The following TIAM2 variants were observed in gnomAD, a reference collection of about 807,000 sequenced individuals.
The protein encoded by TIAM2 is TIAM Rac1 associated GEF 2.
A neutral mutation model predicts 152.9 loss-of-function variants in TIAM2; 80 were observed. The ratio of observed to expected loss-of-function variants is 0.52; its 90% CI spans 0.44 to 0.63. The LOEUF is 0.63. Ranked by LOEUF, TIAM2 falls within the 30% of genes least tolerant of loss-of-function variation. The pLI is 0.00. For synonymous variants in TIAM2, 804 were observed against 838.0 expected, an observed-to-expected ratio of 0.96 and a Z score of 0.70; for missense variants, 1,965 against 2,120.1, an observed-to-expected ratio of 0.93 and a Z score of 1.44.
Position 155,251,929 on chromosome 6 carries a change from CTT to C in TIAM2, c.4061-13_4061-12del. On this transcript the variant is annotated splice_polypyrimidine_tract_variant and intron_variant, in intron 22 of 26. Transcript: ENST00000682666. Reference sequence around the variant, plus strand: ...TGCATAAAATAAAGACTTTCTTTCTCTTTTCCTTTCTTTAGTTTTTAAGAGAG... The same window carrying C: ...TGCATAAAATAAAGACTTTCTTTCTCTTCCTTTCTTTAGTTTTTAAGAGAG... 6.3e-7 allele frequency: 1 copy of C among 1,589,428 alleles called. No individual in the cohort carries two copies. The highest frequency in any genetic ancestry group is 8.6e-7 in the Non-Finnish European group (1 of 1,164,110).
chr6:155,165,890 G>A (rs934847742), intron 9 of TIAM2, among the ~76,000 whole-genome samples: 19 of 151,702 alleles, frequency 1.3e-4, no homozygotes, highest in African/African-American at 3.6e-4. Context: ...TATCTATCCC[G>A]GCACCCCTGA....
intron 15 of TIAM2, among the ~76,000 whole-genome samples, chr6:155,232,349 C>T (rs1202096526): frequency 2.0e-5 from 3 of 151,922 alleles, no homozygotes; most frequent in Non-Finnish European, 2.9e-5. Flanking sequence ...AGTGTCATTG[C>T]GCTCTGAGAT....
At chr6:155,226,353 C>T (rs555818071) in intron 15 of TIAM2, among the ~76,000 whole-genome samples, 19 of 152,288 alleles carry the variant, frequency 1.2e-4, no homozygotes, top group African/African-American at 2.2e-4. Flanking sequence ...TTGTGGGCTC[C>T]GCTTTTAAGT....
At chr6:155,051,312 G>A (rs898491085) in intron 1 of TIAM2, among the ~76,000 whole-genome samples, 53 of 152,302 alleles carry the variant, frequency 3.5e-4, no homozygotes, top group African/African-American at 1.3e-3. Flanking sequence ...TGCCCTGGGA[G>A]CAGAGCCCGC....
chr6:155,152,379 C>G (rs1290092155), intron 7 of TIAM2, among the ~76,000 whole-genome samples: 1 of 152,192 alleles, frequency 6.6e-6, no homozygotes, highest in African/African-American at 2.4e-5. Context: ...CCCTGCCTGC[C>G]CCTCTTAAGG....
intron 15 of TIAM2, among the ~76,000 whole-genome samples, chr6:155,234,220 T>C (rs1255964860): frequency 6.6e-6 from 1 of 152,174 alleles, no homozygotes; most frequent in Non-Finnish European, 1.5e-5. Context: ...CCCGTGTTTT[T>C]TATTCTGCAT....
intron 19 of TIAM2, 37 bp downstream of exon 19, chr6:155,245,768 T>TTTTTG: frequency 1.4e-6 from 2 of 1,441,044 alleles, no homozygotes; most frequent in Non-Finnish European, 1.9e-6. Context: ...TTTTTTTTTT[T>TTTTTG]TTGCATTTTT....
intron 15 of TIAM2, 111 bp downstream of exon 15, chr6:155,211,418 G>A: frequency 1.3e-6 from 1 of 755,844 alleles, no homozygotes; most frequent in East Asian, 2.8e-5. Context: ...AGGTCCAGCA[G>A]TTGATACAAA....
intron 1 of TIAM2, among the ~76,000 whole-genome samples, chr6:155,073,452 C>T (rs1388534408): frequency 3.3e-5 from 5 of 152,114 alleles, no homozygotes; most frequent in Admixed American, 6.5e-5. Context: ...TGTGAGCCAC[C>T]GTGCCTGGCC....
intron 7 of TIAM2, chr6:155,149,126 G>C (rs924388277): frequency 1.2e-5 from 2 of 167,198 alleles, no homozygotes; most frequent in Non-Finnish European, 2.9e-5. Context: ...CCCACAGCGA[G>C]CTGTGGAGCT....
chr6:155,168,903 G>A (rs1163891754), intron 9 of TIAM2: 1 of 1,535,498 alleles, frequency 6.5e-7, no homozygotes, highest in South Asian at 1.2e-5. Context: ...CAAAACTCCA[G>A]TAACTCCAGT....
intron 1 of TIAM2, among the ~76,000 whole-genome samples, chr6:155,008,382 A>G (rs948173608): frequency 6.6e-6 from 1 of 152,212 alleles, no homozygotes; most frequent in East Asian, 1.9e-4. Context: ...CATGACGAAC[A>G]TATACCTCAA....
chr6:155,165,735 C>G (rs1400336465), intron 9 of TIAM2, among the ~76,000 whole-genome samples: 2 of 152,064 alleles, frequency 1.3e-5, no homozygotes, highest in Non-Finnish European at 2.9e-5. Flanking sequence ...CTGCAGTGAG[C>G]CATGATTTTG....
chr6:155,047,653 G>C (rs1469682141), intron 1 of TIAM2, among the ~76,000 whole-genome samples: 7 of 117,940 alleles, frequency 5.9e-5, no homozygotes, highest in African/African-American at 2.3e-4. Context: ...GGTGGGGGGA[G>C]AGAGAGAGAG....
intron 1 of TIAM2, among the ~76,000 whole-genome samples, chr6:155,068,987 C>CA (rs1333103215): frequency 6.6e-6 from 1 of 152,008 alleles, no homozygotes; most frequent in Non-Finnish European, 1.5e-5. Flanking sequence ...ATGTAAATCA[C>CA]AGCTCACTGC....
At chr6:155,206,095 C>T (rs967433883) in intron 14 of TIAM2, among the ~76,000 whole-genome samples, 1 of 152,208 alleles carries the variant, frequency 6.6e-6, no homozygotes, top group Admixed American at 6.5e-5. Context: ...TACTGACGCA[C>T]AGTTCAGGAG....
chr6:155,098,900 C>T (rs1017775467), intron 2 of TIAM2, among the ~76,000 whole-genome samples: 2 of 152,240 alleles, frequency 1.3e-5, no homozygotes, highest in South Asian at 2.1e-4. Flanking sequence ...TATAAATGTA[C>T]CATAAGGCCG....
chr6:155,147,288 A>G (rs1377704662), intron 6 of TIAM2, among the ~76,000 whole-genome samples: 1 of 151,452 alleles, frequency 6.6e-6, no homozygotes, highest in East Asian at 1.9e-4. Context: ...TCCGAAGACA[A>G]GTATCCTTTT....
At chr6:155,096,030 C>T (rs117867499) in intron 2 of TIAM2, among the ~76,000 whole-genome samples, 1 of 151,950 alleles carries the variant, frequency 6.6e-6, no homozygotes, top group African/African-American at 2.4e-5. Context: ...TTTTGGGTAG[C>T]GTAATAATAC....
Sources: allele counts gnomAD v4.1 joint callset (sites outside exome capture counted in the v4.1 genomes callset), GRCh38; gene constraint gnomAD v4.1.1; transcripts MANE v1.5; gene names NCBI Gene and HGNC (gene_info 2026-07-23, HGNC 2026-07-21).